Variants in SHROOM3 observed in about 807,000 individuals in gnomAD.
The protein encoded by SHROOM3 is protein Shroom3.
SHROOM3 carries 47 observed loss-of-function variants against 138.6 expected under a neutral mutation model. The ratio of observed to expected loss-of-function variants is 0.34; its 90% CI spans 0.27 to 0.43. The LOEUF (loss-of-function observed/expected upper bound fraction) is 0.43. SHROOM3 is among the 20% of genes least tolerant of loss of function. The pLI is 1.00. For missense variants in SHROOM3, 2,491 were observed against 2,596.5 expected (o/e 0.96, Z 0.88); for synonymous variants, 1,062 against 1,063.3 (o/e 1.00, Z 0.02).
intron 3 of SHROOM3, 38 bp from the exon 4 acceptor site, chr4:76,730,766 T>C: frequency 6.2e-7 from 1 of 1,613,104 alleles, no homozygotes; most frequent in Non-Finnish European, 8.5e-7. Context: ...AGCTGAGACT[T>C]TGGCTAATGT....
At chr4:76,518,575 T>C (rs4859687) in intron 1 of SHROOM3, among the ~76,000 whole-genome samples, 25,820 of 117,416 alleles carry the variant, frequency 0.22, 2,751 homozygotes, top group African/African-American at 0.38. Flanking sequence ...TCTTGCCTGC[T>C]TGCCTGCCTG....
intron 3 of SHROOM3, among the ~76,000 whole-genome samples, chr4:76,726,174 C>T (rs557020132): frequency 6.6e-6 from 1 of 152,044 alleles, no homozygotes; most frequent in East Asian, 1.9e-4. Flanking sequence ...TGACAGTTTC[C>T]TCCTCCTCCT....
At chr4:76,448,237 G>A (rs1478614923) in intron 1 of SHROOM3, among the ~76,000 whole-genome samples, 1 of 152,124 alleles carries the variant, frequency 6.6e-6, no homozygotes, top group Non-Finnish European at 1.5e-5. Flanking sequence ...TCATTCATTA[G>A]TTATCATATT....
intron 2 of SHROOM3, among the ~76,000 whole-genome samples, chr4:76,660,113 C>A (rs1177887443): frequency 3.9e-5 from 6 of 152,132 alleles, no homozygotes; most frequent in African/African-American, 1.4e-4. Context: ...GCACTGCCAC[C>A]CGCCTCTGTG....
At chr4:76,617,087 G>A (rs944301797) in intron 2 of SHROOM3, among the ~76,000 whole-genome samples, 12 of 152,216 alleles carry the variant, frequency 7.9e-5, no homozygotes, top group African/African-American at 1.2e-4. Context: ...GGCTAATGGT[G>A]CGGGTGAAGA....
At chr4:76,698,707 C>G (rs1216126565) in intron 2 of SHROOM3, among the ~76,000 whole-genome samples, 1 of 152,168 alleles carries the variant, frequency 6.6e-6, no homozygotes, top group Non-Finnish European at 1.5e-5. Flanking sequence ...CATTCACCAA[C>G]AGCCATCCCT....
chr4:76,697,555 C>T (rs554990205), intron 2 of SHROOM3, among the ~76,000 whole-genome samples: 33 of 152,296 alleles, frequency 2.2e-4, no homozygotes, highest in Non-Finnish European at 4.1e-4. Flanking sequence ...AGGGCACACT[C>T]TGGAGCCTTA....
At chr4:76,631,450 T>A (rs1429854980) in intron 2 of SHROOM3, among the ~76,000 whole-genome samples, 1 of 151,932 alleles carries the variant, frequency 6.6e-6, no homozygotes, top group African/African-American at 2.4e-5. Context: ...CAACCTCAGG[T>A]GATCCACCCG....
intron 1 of SHROOM3, among the ~76,000 whole-genome samples, chr4:76,456,756 G>T (rs1731035325): frequency 1.3e-5 from 2 of 152,208 alleles, no homozygotes; most frequent in South Asian, 4.1e-4. Context: ...CTTTGGGTGA[G>T]CAATAAAGCT....
chr4:76,536,054 C>T (rs1047234182), intron 1 of SHROOM3, among the ~76,000 whole-genome samples: 23 of 152,230 alleles, frequency 1.5e-4, no homozygotes, highest in Admixed American at 1.2e-3. Flanking sequence ...TACAACTCAT[C>T]TTACAAGATC....
intron 3 of SHROOM3, among the ~76,000 whole-genome samples, chr4:76,729,456 C>T (rs1170045080): frequency 6.6e-6 from 1 of 152,068 alleles, no homozygotes; most frequent in African/African-American, 2.4e-5. Context: ...TCCCTTGCTT[C>T]ACACAAGAAC....
At chr4:76,761,661 A>G (rs543932724) in intron 9 of SHROOM3, among the ~76,000 whole-genome samples, 12 of 152,218 alleles carry the variant, frequency 7.9e-5, no homozygotes, top group Non-Finnish European at 1.2e-4. Context: ...TTCTCTGGGT[A>G]TAACTAACCA....
At chr4:76,485,107 T>G (rs1473896329) in intron 1 of SHROOM3, among the ~76,000 whole-genome samples, 1 of 152,192 alleles carries the variant, frequency 6.6e-6, no homozygotes, top group Non-Finnish European at 1.5e-5. Flanking sequence ...CAATTCAGAT[T>G]ATCTCAAGAT....
At chr4:76,594,278 G>A (rs945608089) in intron 2 of SHROOM3, among the ~76,000 whole-genome samples, 6 of 152,182 alleles carry the variant, frequency 3.9e-5, no homozygotes, top group African/African-American at 1.4e-4. Context: ...AGGGAAAACT[G>A]ATATGGCATA....
chr4:76,730,731 A>G (rs1720846404), intron 3 of SHROOM3, 73 bp from the exon 4 acceptor site: 2 of 1,601,286 alleles, frequency 1.2e-6, no homozygotes, highest in Admixed American at 1.7e-5. Context: ...TTCCAAATCC[A>G]CAAGTCACAT....
chr4:76,748,373 T>C (rs574231029), intron 5 of SHROOM3, among the ~76,000 whole-genome samples: 1 of 152,182 alleles, frequency 6.6e-6, no homozygotes, highest in Non-Finnish European at 1.5e-5. Flanking sequence ...ATCTTCATCA[T>C]GGACCTGATC....
intron 2 of SHROOM3, among the ~76,000 whole-genome samples, chr4:76,701,560 A>C (rs1719901664): frequency 6.6e-6 from 1 of 152,354 alleles, no homozygotes; most frequent in African/African-American, 2.4e-5. Context: ...AGTGCTTTAT[A>C]AGCTATAATC....
intron 2 of SHROOM3, among the ~76,000 whole-genome samples, chr4:76,574,813 A>T (rs1422609824): frequency 6.6e-6 from 1 of 152,200 alleles, no homozygotes; most frequent in East Asian, 1.9e-4. Flanking sequence ...CAGTTGCCAC[A>T]GGTTGGGGGA....
chr4:76,733,792 G>C (rs767249423), intron 4 of SHROOM3, among the ~76,000 whole-genome samples: 2 of 152,146 alleles, frequency 1.3e-5, no homozygotes, highest in Non-Finnish European at 2.9e-5. Flanking sequence ...GCGTAAGAGG[G>C]GGTGAGAGGA....
Sources: gnomAD v4.1 joint callset for allele counts (sites outside exome capture counted in the v4.1 genomes callset) on GRCh38, gnomAD v4.1.1 for gene constraint, MANE v1.5 for transcripts, NCBI Gene and HGNC (gene_info 2026-07-23, HGNC 2026-07-21) for gene names.